The following ANO4 variants were observed in gnomAD, a reference collection of about 807,000 sequenced individuals.
ANO4 encodes the protein anoctamin-4.
Under a neutral mutation model 141.9 loss-of-function variants are expected in ANO4, and 69 were observed. The observed-to-expected ratio is 0.49, with a 90% CI of 0.40 to 0.59. The LOEUF (loss-of-function observed/expected upper bound fraction) is 0.59, where lower values mean the gene tolerates loss of function less well. Among genes scored for constraint, ANO4 ranks in the 20% least tolerant of loss-of-function variants. The pLI is 0.00. For synonymous variants in ANO4, 350 were observed against 394.3 expected (o/e 0.89, Z 1.33); for missense variants, 894 against 1,162.2 (o/e 0.77, Z 3.36).
intron 22 of ANO4, among the ~76,000 whole-genome samples, chr12:101,101,864 C>T (rs894468701): frequency 3.3e-5 from 5 of 152,032 alleles, no homozygotes; most frequent in Admixed American, 3.3e-4. Flanking sequence ...AGGTGGATCA[C>T]CTGAGGTCAC....
intron 9 of ANO4, among the ~76,000 whole-genome samples, chr12:101,024,540 G>A (rs2046655010): frequency 6.6e-6 from 1 of 151,828 alleles, no homozygotes; most frequent in Admixed American, 6.6e-5. Context: ...AGGTTGCAGT[G>A]AGCCGAGATC....
intron 2 of ANO4, 146 bp downstream of exon 2, chr12:100,901,986 C>T (rs911497561): frequency 1.3e-6 from 1 of 768,268 alleles, no homozygotes; most frequent in Non-Finnish European, 2.1e-6. Flanking sequence ...TTCTGCTCAC[C>T]TCAGTCAATG....
chr12:100,772,306 C>A (rs748845412), intron 3 of ANO4, among the ~76,000 whole-genome samples: 12 of 152,132 alleles, frequency 7.9e-5, no homozygotes, highest in African/African-American at 2.9e-4. Context: ...TTTAGAAGAT[C>A]GAAAGGGCGT....
chr12:100,937,829 C>T (rs1311194770), intron 3 of ANO4, among the ~76,000 whole-genome samples: 2 of 152,250 alleles, frequency 1.3e-5, no homozygotes, highest in Non-Finnish European at 2.9e-5. Context: ...ATCCTGTATC[C>T]TCAAAGCCAG....
chr12:100,747,955 G>A (rs2032188306), intron 3 of ANO4, among the ~76,000 whole-genome samples: 1 of 152,200 alleles, frequency 6.6e-6, no homozygotes, highest in African/African-American at 2.4e-5. Context: ...CAGGAAAGGA[G>A]TTGAGAAATG....
intron 1 of ANO4, among the ~76,000 whole-genome samples, chr12:100,819,747 CA>C (rs769681511): frequency 3.0e-4 from 45 of 151,806 alleles, no homozygotes; most frequent in Non-Finnish European, 6.3e-4. Flanking sequence ...AATTTGTTGA[CA>C]AAATTTTTTT....
rs181958951 is a variant in ANO4, at chr12:100,864,547, G to A, written c.-140-37099G>A. On this transcript the variant is annotated intron_variant, in intron 1 of 27. Transcript: ENST00000392977. The stretch of plus-strand genomic sequence containing the variant: ...CTGTAGCTTCCTCTTCCTTTCGTAG[G>A]ATTCTCAGCAGGAATCCCCTCTTCA... Among the ~76,000 whole-genome samples, 471 of 152,152 alleles carry A rather than the reference G, an allele frequency of 3.1e-3. 4 individuals are homozygous for A. The highest frequency in any genetic ancestry group is 0.01 in the African/African-American group (422 of 41,518).
intron 8 of ANO4, among the ~76,000 whole-genome samples, chr12:101,017,927 T>C (rs181323364): frequency 6.6e-6 from 1 of 152,236 alleles, no homozygotes; most frequent in Admixed American, 6.5e-5. Flanking sequence ...AAAACAAAAA[T>C]TTGAAGCTTG....
chr12:101,063,745 C>CTTTTTTTTTTT lies in ANO4; in HGVS notation c.1312+15367_1312+15377dup. Among the ~76,000 whole-genome samples the CTTTTTTTTTTT allele has an allele frequency of 2.1e-3, 51 of 24,800 alleles. 7 individuals are homozygous for CTTTTTTTTTTT. Among genetic ancestry groups the CTTTTTTTTTTT allele is most frequent in the East Asian group, 4.5e-3 (3 of 662 alleles). 16.3% of individuals were successfully genotyped at this position (24,800 alleles called of 152,430 possible). A position where few individuals can be genotyped will look rare whatever the true frequency, so the allele number is the denominator to read the frequency against. ...ATGGATGGAAGGTTGTCCAGGTTAT[C>CTTTTTTTTTTT]TTTTTTTTTTTTTTTTTTTTTTTTT... On this transcript the variant is annotated intron_variant, in intron 14 of 27. Coordinates refer to ENST00000392977, the MANE Select transcript of ANO4 (RefSeq NM_001286615.2).
chr12:100,867,593 C>CTG (rs1450221860), intron 1 of ANO4, among the ~76,000 whole-genome samples: 1 of 110,064 alleles, frequency 9.1e-6, no homozygotes, highest in African/African-American at 3.4e-5. Context: ...GAAAAACTCT[C>CTG]TCTCTGTCTC....
chr12:101,085,081 G>C (rs2049430850), intron 16 of ANO4, among the ~76,000 whole-genome samples: 1 of 152,192 alleles, frequency 6.6e-6, no homozygotes, highest in African/African-American at 2.4e-5. Flanking sequence ...ACTTGTACTT[G>C]AGCTTTTAGA....
chr12:101,013,505 A>G lies in ANO4; in HGVS notation c.735-6529A>G, dbSNP rs186700826. Among the ~76,000 whole-genome samples, 19 of 152,262 alleles carry G rather than the reference A, an allele frequency of 1.2e-4. No homozygotes were observed. The East Asian group carries it at 3.5e-3, about 28-fold the overall frequency. Reference sequence around the variant, plus strand: ...TAACCCCTCCTCTACTCTCCTGCTTATTGTAATCAAGGGGAGATGCAGGGT... The same window carrying G: ...TAACCCCTCCTCTACTCTCCTGCTTGTTGTAATCAAGGGGAGATGCAGGGT... On this transcript the variant is annotated intron_variant, in intron 8 of 27. Transcript: ENST00000392977.
chr12:101,027,547 G>A (rs564420559), intron 9 of ANO4, among the ~76,000 whole-genome samples: 1 of 147,960 alleles, frequency 6.8e-6, no homozygotes, highest in Admixed American at 6.6e-5. Context: ...TGGATGGCTT[G>A]GTCCCCAAGA....
chr12:100,934,892 T>A (rs909372424), intron 3 of ANO4, among the ~76,000 whole-genome samples: 1 of 152,166 alleles, frequency 6.6e-6, no homozygotes, highest in African/African-American at 2.4e-5. Context: ...GCTCTCTGTT[T>A]GTCTGTTAAT....
chr12:100,955,050 T>C (rs1204865892), intron 5 of ANO4, among the ~76,000 whole-genome samples: 1 of 152,224 alleles, frequency 6.6e-6, no homozygotes, highest in Non-Finnish European at 1.5e-5. Flanking sequence ...GTCCAGCCCC[T>C]GCAGTGAGAG....
intron 5 of ANO4, among the ~76,000 whole-genome samples, chr12:100,952,155 A>G (rs1263703776): frequency 6.6e-6 from 1 of 152,160 alleles, no homozygotes; most frequent in African/African-American, 2.4e-5. Flanking sequence ...TTGAATCAGA[A>G]AAGAGGCCTA....
intron 14 of ANO4, among the ~76,000 whole-genome samples, chr12:101,056,659 T>A (rs1458526506): frequency 1.3e-5 from 2 of 152,110 alleles, no homozygotes; most frequent in Admixed American, 6.5e-5. Context: ...CCTTGCCTTA[T>A]GCCCAGTCTT....
intron 3 of ANO4, among the ~76,000 whole-genome samples, chr12:100,783,264 A>G (rs1164709810): frequency 6.6e-6 from 1 of 152,134 alleles, no homozygotes; most frequent in Non-Finnish European, 1.5e-5. Context: ...GGGATGAGGT[A>G]ATGGCCAAGT....
chr12:100,816,808 A>G (rs1256834055), intron 1 of ANO4, among the ~76,000 whole-genome samples: 1 of 151,886 alleles, frequency 6.6e-6, no homozygotes, highest in Admixed American at 6.6e-5. Context: ...TTTGATGTGT[A>G]TATTTTTACA....
Sources: allele counts gnomAD v4.1 joint callset (sites outside exome capture counted in the v4.1 genomes callset), GRCh38; gene constraint gnomAD v4.1.1; transcripts MANE v1.5; gene names NCBI Gene and HGNC (gene_info 2026-07-23, HGNC 2026-07-21).